MEGF8: variants seen among roughly 807,000 people sequenced by gnomAD.
MEGF8 encodes multiple EGF like domains 8.
Under a neutral mutation model 302.9 loss-of-function variants are expected in MEGF8, and 156 were observed. The ratio of observed to expected loss-of-function variants is 0.52; its 90% CI spans 0.45 to 0.59. The LOEUF (loss-of-function observed/expected upper bound fraction) is 0.59, where lower values mean the gene tolerates loss of function less well. MEGF8 is among the 20% of genes least tolerant of loss of function. The pLI, the probability that MEGF8 is intolerant of heterozygous loss-of-function variation, is 0.00. For missense variants in MEGF8, 3,345 were observed against 3,964.5 expected (o/e 0.84, Z 4.20); for synonymous variants, 1,621 against 1,660.5 (o/e 0.98, Z 0.58).
At chr19:42,338,442 A>T (rs1215562724) in intron 8 of MEGF8, among the ~76,000 whole-genome samples, 1 of 152,110 alleles carries the variant, frequency 6.6e-6, no homozygotes, top group African/African-American at 2.4e-5. Flanking sequence ...AGGTTTTGCC[A>T]TGTTGGCAAG....
Position 42,375,518 on chromosome 19 carries a change from C to T in MEGF8, c.7281C>T (p.Cys2427=), listed in dbSNP as rs780634034. ...RDCYKYQCAK[C]RESFHGSPLG... is the part of the protein sequence containing the mutation. ...AACCCTGCCCGCAGTGCGCCAAGTG[C>T]CGGGAATCATTTCACGGGAGTCCGC... Residue 2427 remains cysteine (C), a synonymous_variant, in exon 42 of 42, where the codon TGC becomes TGT. Transcript: ENST00000251268. The surrounding 1 kb of genome is among the most constrained non-coding windows in gnomAD (Gnocchi z 7.1). The T allele has an allele frequency of 2.4e-5, 38 of 1,583,960 alleles. No homozygotes were observed. The African/African-American group carries it at 4.6e-4, about 19-fold the overall frequency.
intron 15 of MEGF8, 116 bp downstream of exon 15, chr19:42,350,500 T>C: frequency 1.1e-6 from 1 of 929,782 alleles, no homozygotes; most frequent in Non-Finnish European, 1.6e-6. Context: ...CTTTTGGCCT[T>C]GATCTGCAGA....
At position 42,326,070 on chromosome 19, in the gene MEGF8, G is replaced by A; in HGVS notation, c.-174G>A. On this transcript the variant is annotated 5_prime_UTR_variant, in exon 1 of 42. Transcript: ENST00000251268. The stretch of plus-strand genomic sequence containing the variant: ...GCTCAGCCCTCGGCTTCCAGAGCCT[G>A]TCAGCAGTGGCCGTACCCTTCGCCG... 1.8e-6 allele frequency: 2 copies of A among 1,096,010 alleles called. No homozygotes were observed. Among genetic ancestry groups the A allele is most frequent in the Non-Finnish European group, 2.4e-6 (2 of 823,912 alleles). The allele number at this position is 1,096,010 out of a possible 1,614,324, so 67.9% of individuals were successfully genotyped here. A position where few individuals can be genotyped will look rare whatever the true frequency, so the allele number is the denominator to read the frequency against.
Position 42,344,366 on chromosome 19 carries a change from G to A in MEGF8, c.1789-75G>A. 6.6e-7 allele frequency: 1 copy of A among 1,505,650 alleles called. No individual in the cohort carries two copies. Among genetic ancestry groups the A allele is most frequent in the Non-Finnish European group, 8.8e-7 (1 of 1,132,218 alleles). The allele number at this position is 1,505,650 out of a possible 1,614,324, so 93.3% of individuals were successfully genotyped here. Reference sequence around the variant, plus strand: ...TTCGCCCTTTCCATCGCAGGACCCTGTATCCACAGCCCTTCCTTCCCAGAT... The same window carrying A: ...TTCGCCCTTTCCATCGCAGGACCCTATATCCACAGCCCTTCCTTCCCAGAT... On this transcript the variant is annotated intron_variant, in intron 10 of 41. Coordinates refer to ENST00000251268, the MANE Select transcript of MEGF8 (RefSeq NM_001271938.2). This position sits in a 1 kb window ranked among gnomAD's most constrained non-coding sequence, Gnocchi z 4.5.
chr19:42,328,987 A>T lies in MEGF8; in HGVS notation c.187+2557A>T, dbSNP rs140234486. Among the ~76,000 whole-genome samples the T allele has an allele frequency of 3.3e-5, 5 of 152,246 alleles. No individual in the cohort carries two copies. In the East Asian group the frequency reaches 9.7e-4, roughly 29 times the overall value. Reference sequence around the variant, plus strand: ...AGGGGTGGGGTGGATGTACCTAGGGAGGAAAGAGGACTGTGCTGCAGATAA... The same window carrying T: ...AGGGGTGGGGTGGATGTACCTAGGGTGGAAAGAGGACTGTGCTGCAGATAA... On this transcript the variant is annotated intron_variant, in intron 1 of 41. Coordinates refer to ENST00000251268, the MANE Select transcript of MEGF8 (RefSeq NM_001271938.2).
intron 8 of MEGF8, 94 bp downstream of exon 8, chr19:42,337,300 A>G (rs899787820): frequency 4.5e-6 from 7 of 1,559,400 alleles, no homozygotes; most frequent in Non-Finnish European, 6.1e-6. Flanking sequence ...CGTAAGGGTG[A>G]GCCTGACATC....
chr19:42,337,421 A>G (rs1251899132), intron 8 of MEGF8, among the ~76,000 whole-genome samples: 2 of 152,112 alleles, frequency 1.3e-5, no homozygotes, highest in East Asian at 1.9e-4. Context: ...GTGGGTTCCA[A>G]TCCAGGTTTT....
chr19:42,363,146 C>CCCCCACTGCCCTG lies in MEGF8; in HGVS notation c.6164_6176dup (p.Pro2060AlafsTer19). ...GTCCCCCATGCCGGTGGAATCATCA[C>CCCCCACTGCCCTG]CCCCACTGCCCTGCCCCACCCCTTG... On this transcript the variant is annotated frameshift_variant, in exon 35 of 42. Transcript: ENST00000251268. LOFTEE classifies it high-confidence loss of function. 1 of 1,612,636 alleles carries CCCCCACTGCCCTG rather than the reference C, an allele frequency of 6.2e-7. No individual in the cohort carries two copies. Among genetic ancestry groups the CCCCCACTGCCCTG allele is most frequent in the Non-Finnish European group, 8.5e-7 (1 of 1,179,298 alleles).
chr19:42,362,580 G>A lies in MEGF8; in HGVS notation c.6041G>A (p.Arg2014Gln). The change falls in exon 34 of 42, where the codon CGG becomes CAG. Residue 2014 changes from arginine to glutamine, a missense_variant. By Grantham distance (43) the Arg-to-Gln change is conservative. Coordinates refer to ENST00000251268, the MANE Select transcript of MEGF8 (RefSeq NM_001271938.2). Reference sequence around the variant, plus strand: ...CGGGAGGGCAAGTGCATGTGGACGCGGCAGTTCAAGAGGACAGGTGAGCAG... The same window carrying A: ...CGGGAGGGCAAGTGCATGTGGACGCAGCAGTTCAAGAGGACAGGTGAGCAG... The part of the protein sequence containing the change: ...CTREGKCMWT[R>Q]QFKRTGETRR... 1.2e-6 allele frequency: 2 copies of A among 1,610,730 alleles called. No homozygotes were observed. Among genetic ancestry groups the A allele is most frequent in the Non-Finnish European group, 8.5e-7 (1 of 1,179,454 alleles).
At chr19:42,372,977 G>A (rs2039713093) in intron 41 of MEGF8, among the ~76,000 whole-genome samples, 2 of 150,550 alleles carry the variant, frequency 1.3e-5, no homozygotes, top group African/African-American at 4.9e-5. Flanking sequence ...CCAGCCCAGA[G>A]TTTCTGCTTT....
rs762333959 is a variant in MEGF8 at position 42,362,555 on chromosome 19, C to A, written c.6016C>A (p.Arg2006=). ...CGAADCEQCT[R]EGKCMWTRQF... ...GGCTGCTGACTGCGAGCAGTGCACGCGGGAGGGCAAGTGCATGTGGACGCG... is the reference window on the plus strand; with the variant it reads ...GGCTGCTGACTGCGAGCAGTGCACGAGGGAGGGCAAGTGCATGTGGACGCG... Residue 2006 remains arginine, a synonymous_variant, in exon 34 of 42, where the codon CGG becomes AGG. Coordinates refer to ENST00000251268, the MANE Select transcript of MEGF8 (RefSeq NM_001271938.2). 5 of 1,612,836 alleles carry A rather than the reference C, an allele frequency of 3.1e-6. No individual in the cohort carries two copies. Among genetic ancestry groups the A allele is most frequent in the South Asian group, 1.1e-5 (1 of 91,052 alleles).
chr19:42,376,477 T>G lies in MEGF8; in HGVS notation c.8240T>G (p.Met2747Arg). The change falls in exon 42 of 42, where the codon ATG becomes AGG. Residue 2747 changes from methionine (M) to arginine (R), a missense_variant. Physicochemically the swap from Met to Arg is moderately conservative, Grantham distance 91 (BLOSUM62 -1). Coordinates refer to ENST00000251268, the MANE Select transcript of MEGF8 (RefSeq NM_001271938.2). This position sits in a 1 kb window ranked among gnomAD's most constrained non-coding sequence, Gnocchi z 8.2. ...LTGAGGPWGP[M>R]GGGCCPPAIP... ...GGGGCCGGTGGGCCCTGGGGACCCATGGGAGGGGGCTGCTGCCCACCAGCC... is the reference window on the plus strand; with the variant it reads ...GGGGCCGGTGGGCCCTGGGGACCCAGGGGAGGGGGCTGCTGCCCACCAGCC... 1 of 1,600,340 alleles carries G rather than the reference T, an allele frequency of 6.2e-7. No individual in the cohort carries two copies. The highest frequency in any genetic ancestry group is 1.3e-5 in the African/African-American group (1 of 74,646).
At chr19:42,328,592 C>A (rs1003876654) in intron 1 of MEGF8, among the ~76,000 whole-genome samples, 7 of 117,788 alleles carry the variant, frequency 5.9e-5, no homozygotes, top group African/African-American at 3.1e-4. Flanking sequence ...GTGTGTGTGG[C>A]GAAGGGGTCT....
chr19:42,348,236 A>G (rs748707558), intron 12 of MEGF8, 36 bp from the exon 13 acceptor site: 8 of 1,496,030 alleles, frequency 5.3e-6, no homozygotes, highest in Non-Finnish European at 7.2e-6. Context: ...GAGTCCAGAA[A>G]GGGACTCACA....
Position 42,353,033 on chromosome 19 carries a change from G to T in MEGF8, c.3456G>T (p.Pro1152=). The T allele has an allele frequency of 6.4e-7, 1 of 1,554,844 alleles. No individual in the cohort carries two copies. Among genetic ancestry groups the T allele is most frequent in the Non-Finnish European group, 8.7e-7 (1 of 1,149,398 alleles). ...TSDLPPPTPA[P]GPPAPRCSRD... The stretch of plus-strand genomic sequence containing the variant: ...ACCTGCCCCCTCCCACACCCGCCCC[G>T]GGTCCGCCAGCCCCCCGCTGCTCCC... The change falls in exon 20 of 42, where the codon CCG becomes CCT. Residue 1152 remains proline (P), a synonymous_variant. Coordinates refer to ENST00000251268, the MANE Select transcript of MEGF8 (RefSeq NM_001271938.2). The surrounding 1 kb of genome is among the most constrained non-coding windows in gnomAD (Gnocchi z 6.1).
At position 42,352,925 on chromosome 19, in the gene MEGF8, C is replaced by T. The variant is rs10411498; in HGVS notation, c.3351-3C>T. 5,376 of 1,588,836 alleles carry T rather than the reference C, an allele frequency of 3.4e-3. 129 individuals are homozygous for T. The African/African-American group carries it at 0.055, about 16-fold the overall frequency. On this transcript the variant is annotated splice_polypyrimidine_tract_variant and splice_region_variant and intron_variant, in intron 19 of 41. Transcript: ENST00000251268. The surrounding 1 kb of genome is among the most constrained non-coding windows in gnomAD (Gnocchi z 4.4). ...TTTCCCCACCCCCAACACGGCCCCT[C>T]AGGTGCTTGGAGGACTGTGGCCATG...
rs1331958384 is a variant in MEGF8, at chr19:42,354,591, A to T, written c.4015A>T (p.Ser1339Cys). The part of the protein sequence containing the change: ...SPDSSTPCTL[S>C]YVLAFDGFPR... ...CCTCGATTCTGCACCCCTCTAGCTG[A>T]GCTACGTCCTGGCGTTTGATGGATT... The change falls in exon 23 of 42, where the codon AGC (serine) becomes TGC (cysteine). Residue 1339 changes from serine to cysteine, a missense_variant. Transcript: ENST00000251268. The surrounding 1 kb of genome is among the most constrained non-coding windows in gnomAD (Gnocchi z 4.3). 1 of 1,611,520 alleles carries T rather than the reference A, an allele frequency of 6.2e-7. No individual in the cohort carries two copies. The highest frequency in any genetic ancestry group is 8.5e-7 in the Non-Finnish European group (1 of 1,178,656).
Position 42,378,155 on chromosome 19 carries a change from C to T in MEGF8, c.*1380C>T, listed in dbSNP as rs2039792801. 6.6e-6 allele frequency: 1 copy of T among 152,176 alleles called. No individual in the cohort carries two copies. Among genetic ancestry groups the T allele is most frequent in the Non-Finnish European group, 1.5e-5 (1 of 68,066 alleles). The allele number at this position is 152,176 out of a possible 1,614,324, so 9.4% of individuals were successfully genotyped here. A position where few individuals can be genotyped will look rare whatever the true frequency, so the allele number is the denominator to read the frequency against. On this transcript the variant is annotated 3_prime_UTR_variant, in exon 42 of 42. Transcript: ENST00000251268. The stretch of plus-strand genomic sequence containing the variant: ...ACAGAAACACTGAATATTTCAACAG[C>T]AGAAATTGAATGGGGGGATTGATAG...
intron 35 of MEGF8, among the ~76,000 whole-genome samples, chr19:42,363,815 G>A (rs1369785901): frequency 6.6e-6 from 1 of 152,120 alleles, no homozygotes; most frequent in African/African-American, 2.4e-5. Flanking sequence ...GTTGCTCTCA[G>A]GCCACATGAC....
Sources: gnomAD v4.1 joint callset for allele counts (sites outside exome capture counted in the v4.1 genomes callset) on GRCh38, gnomAD v4.1.1 for gene constraint, Gnocchi (gnomAD v3.1) non-coding constraint, MANE v1.5 for transcripts, NCBI Gene and HGNC (gene_info 2026-07-23, HGNC 2026-07-21) for gene names.